The following LEP variants were observed in gnomAD, a reference collection of about 807,000 sequenced individuals.
LEP encodes leptin (murine obesity homolog).
In LEP, 6 loss-of-function variants were observed where a neutral mutation model predicts 9.8. The ratio of observed to expected loss-of-function variants is 0.61; its 90% CI spans 0.34 to 1.21. LEP has a LOEUF of 1.21. Among genes scored for constraint, LEP ranks in the 50% most tolerant of loss-of-function variants. LEP has a pLI of 0.04. For synonymous variants in LEP, 112 were observed against 81.7 expected (o/e 1.37, Z -2.00); for missense variants, 134 against 198.1 (o/e 0.68, Z 1.94).
chr7:128,249,510 A>G lies in LEP; in HGVS notation c.-28-2481A>G, dbSNP rs142623551. Among the ~76,000 whole-genome samples, 19 of 152,300 alleles carry G rather than the reference A, an allele frequency of 1.2e-4. No homozygotes were observed. In the East Asian group the frequency reaches 3.5e-3, roughly 28 times the overall value. On this transcript the variant is annotated intron_variant, in intron 1 of 2. Coordinates refer to ENST00000308868, the MANE Select transcript of LEP (RefSeq NM_000230.3). The stretch of plus-strand genomic sequence containing the variant: ...ACAGGTTCCTGAGAGCTGGCACAGG[A>G]CACTTCTGCTTATATTTCACTGGCC...
At chr7:128,247,672 A>T (rs561502579) in intron 1 of LEP, among the ~76,000 whole-genome samples, 32 of 152,266 alleles carry the variant, frequency 2.1e-4, no homozygotes, top group African/African-American at 7.0e-4. Flanking sequence ...CTCCTCCATG[A>T]TGCCTCCCTG....
Position 128,254,855 on chromosome 7 carries a change from C to T in LEP, c.*92C>T, listed in dbSNP as rs1795318561. ...CCAGGATTGAAGAGCATTGCATGGA[C>T]ACCCCTTATCCAGGACTCTGTCAAT... On this transcript the variant is annotated 3_prime_UTR_variant, in exon 3 of 3. Coordinates refer to ENST00000308868, the MANE Select transcript of LEP (RefSeq NM_000230.3). 1.7e-5 allele frequency: 24 copies of T among 1,376,406 alleles called. No homozygotes were observed. Among genetic ancestry groups the T allele is most frequent in the Non-Finnish European group, 2.1e-5 (21 of 988,844 alleles). The allele number at this position is 1,376,406 out of a possible 1,614,324, so 85.3% of individuals were successfully genotyped here.
At chr7:128,245,878 A>G (rs1013331803) in intron 1 of LEP, among the ~76,000 whole-genome samples, 3 of 151,960 alleles carry the variant, frequency 2.0e-5, no homozygotes, top group African/African-American at 7.3e-5. Flanking sequence ...CCTGGCCAAG[A>G]TGGTGAAGCC....
chr7:128,243,721 G>A (rs1795178204), intron 1 of LEP, among the ~76,000 whole-genome samples: 2 of 152,228 alleles, frequency 1.3e-5, no homozygotes, highest in African/African-American at 2.4e-5. Context: ...ATGGGAGCAA[G>A]CGAACCATTG....
At chr7:128,252,687 TG>T (rs1438391782) in intron 2 of LEP, among the ~76,000 whole-genome samples, 1 of 152,052 alleles carries the variant, frequency 6.6e-6, no homozygotes, top group Admixed American at 6.5e-5. Context: ...GCCCTGATCA[TG>T]CCACCGTGCT....
rs1478285642 is a variant in LEP, at chr7:128,252,177, C to CG, written c.144+19dup. On this transcript the variant is annotated intron_variant, in intron 2 of 2. Transcript: ENST00000308868. ...TTTCACACACGGTAAGGAGAGTATGCGGGGACAAAGTAGAACTGCAGCCAG... is the reference window on the plus strand; with the variant it reads ...TTTCACACACGGTAAGGAGAGTATGCGGGGGACAAAGTAGAACTGCAGCCAG... 2 of 1,613,536 alleles carry CG rather than the reference C, an allele frequency of 1.2e-6. No homozygotes were observed. Among genetic ancestry groups the CG allele is most frequent in the Non-Finnish European group, 1.7e-6 (2 of 1,179,714 alleles).
intron 1 of LEP, among the ~76,000 whole-genome samples, chr7:128,243,564 T>C (rs1795176194): frequency 6.6e-6 from 1 of 151,988 alleles, no homozygotes; most frequent in Admixed American, 6.6e-5. Flanking sequence ...CCCACCTGGG[T>C]GCTAGAGGGC....
At chr7:128,252,957 T>A (rs1372376026) in intron 2 of LEP, among the ~76,000 whole-genome samples, 1 of 152,108 alleles carries the variant, frequency 6.6e-6, no homozygotes, top group Non-Finnish European at 1.5e-5. Context: ...ACGTGCTTAT[T>A]TTCAACCTAC....
At position 128,257,264 on chromosome 7, in the gene LEP, A is replaced by C. The variant is rs922762418; in HGVS notation, c.*2501A>C. Reference sequence around the variant, plus strand: ...AGTATAAATGGTTGTCTGTTTTTGTAACTTAAAAAAAAAAAAAAAAGTTTG... The same window carrying C: ...AGTATAAATGGTTGTCTGTTTTTGTCACTTAAAAAAAAAAAAAAAAGTTTG... On this transcript the variant is annotated 3_prime_UTR_variant, in exon 3 of 3. Coordinates refer to ENST00000308868, the MANE Select transcript of LEP (RefSeq NM_000230.3). 1 of 151,690 alleles carries C rather than the reference A, an allele frequency of 6.6e-6. No homozygotes were observed. Among genetic ancestry groups the C allele is most frequent in the Admixed American group, 6.6e-5 (1 of 15,226 alleles). The allele number at this position is 151,690 out of a possible 1,614,324, so 9.4% of individuals were successfully genotyped here.
chr7:128,254,823 G>A lies in LEP; in HGVS notation c.*60G>A, dbSNP rs1795318359. ...TTAAGGGAAGGAACTCTGGCTTCCA[G>A]GTATCTCCAGGATTGAAGAGCATTG... On this transcript the variant is annotated 3_prime_UTR_variant, in exon 3 of 3. Coordinates refer to ENST00000308868, the MANE Select transcript of LEP (RefSeq NM_000230.3). 1 of 1,575,010 alleles carries A rather than the reference G, an allele frequency of 6.3e-7. No homozygotes were observed. Among genetic ancestry groups the A allele is most frequent in the African/African-American group, 1.3e-5 (1 of 74,432 alleles).
At chr7:128,245,663 T>C (rs185102245) in intron 1 of LEP, among the ~76,000 whole-genome samples, 8 of 152,316 alleles carry the variant, frequency 5.3e-5, no homozygotes, top group South Asian at 2.1e-4. Flanking sequence ...CTGAATTTAA[T>C]TCACAGTAGC....
rs775675640 is a variant in LEP at position 128,254,764 on chromosome 7, G to T, written c.*1G>T. The stretch of plus-strand genomic sequence containing the variant: ...GCTGGACCTCAGCCCTGGGTGCTGA[G>T]GCCTTGAAGGTCACTCTTCCTGCAA... On this transcript the variant is annotated 3_prime_UTR_variant, in exon 3 of 3. Coordinates refer to ENST00000308868, the MANE Select transcript of LEP (RefSeq NM_000230.3). 1 of 1,607,690 alleles carries T rather than the reference G, an allele frequency of 6.2e-7. No homozygotes were observed. The highest frequency in any genetic ancestry group is 1.3e-5 in the African/African-American group (1 of 74,878).
intron 2 of LEP, among the ~76,000 whole-genome samples, chr7:128,253,658 A>T (rs1392308999): frequency 1.3e-5 from 2 of 152,202 alleles, no homozygotes; most frequent in Non-Finnish European, 2.9e-5. Context: ...GGGAGAAGTT[A>T]GGTGTCTGGA....
chr7:128,256,590 T>G lies in LEP; in HGVS notation c.*1827T>G, dbSNP rs1795343215. ...AGTTGACAGCAGGTGGGAAATGGTATGAGCTGAGGGGGGCCGTGCCCAGGG... is the reference window on the plus strand; with the variant it reads ...AGTTGACAGCAGGTGGGAAATGGTAGGAGCTGAGGGGGGCCGTGCCCAGGG... On this transcript the variant is annotated 3_prime_UTR_variant, in exon 3 of 3. Coordinates refer to ENST00000308868, the MANE Select transcript of LEP (RefSeq NM_000230.3). 1 of 152,242 alleles carries G rather than the reference T, an allele frequency of 6.6e-6. No individual in the cohort carries two copies. The highest frequency in any genetic ancestry group is 1.5e-5 in the Non-Finnish European group (1 of 68,048). 9.4% of individuals were successfully genotyped at this position (152,242 alleles called of 1,614,324 possible). A position where few individuals can be genotyped will look rare whatever the true frequency, so the allele number is the denominator to read the frequency against.
At chr7:128,252,269 A>C in intron 2 of LEP, 107 bp downstream of exon 2, 1 of 1,219,600 alleles carries the variant, frequency 8.2e-7, no homozygotes, top group South Asian at 1.2e-5. Flanking sequence ...ACGCCTCCTG[A>C]ATGCCAGGCA....
chr7:128,246,398 G>A (rs1156798309), intron 1 of LEP, among the ~76,000 whole-genome samples: 1 of 152,182 alleles, frequency 6.6e-6, no homozygotes, highest in Admixed American at 6.5e-5. Context: ...GGGGTGGATG[G>A]CACATTATAT....
Position 128,254,568 on chromosome 7 carries a change from C to T in LEP, c.309C>T (p.Asn103=), listed in dbSNP as rs28954113. 1,882 of 1,614,098 alleles carry T rather than the reference C, an allele frequency of 1.2e-3. 19 individuals carry two copies. In the African/African-American group the frequency reaches 0.02, roughly 17 times the overall value. ...NVIQISNDLE[N]LRDLLHVLAF... is the part of the protein sequence containing the mutation. ...TCCAAATATCCAACGACCTGGAGAA[C>T]CTCCGGGATCTTCTTCACGTGCTGG... Residue 103 remains asparagine, a synonymous_variant, in exon 3 of 3, where the codon AAC becomes AAT. Transcript: ENST00000308868.
rs540732424 is a variant in LEP, at chr7:128,252,054, T to C, written c.36T>C (p.Leu12=). 9 of 1,614,208 alleles carry C rather than the reference T, an allele frequency of 5.6e-6. 1 individual carries two copies. The African/African-American group carries it at 1.1e-4, about 19-fold the overall frequency. Residue 12 remains leucine (L), a synonymous_variant, in exon 2 of 3, where the codon CTT becomes CTC. Transcript: ENST00000308868. The part of the protein sequence containing the change: ...HWGTLCGFLW[L]WPYLFYVQAV... ...GAACCCTGTGCGGATTCTTGTGGCTTTGGCCCTATCTTTTCTATGTCCAAG... is the reference window on the plus strand; with the variant it reads ...GAACCCTGTGCGGATTCTTGTGGCTCTGGCCCTATCTTTTCTATGTCCAAG...
chr7:128,242,093 C>A (rs367989355), intron 1 of LEP, among the ~76,000 whole-genome samples: 1 of 152,202 alleles, frequency 6.6e-6, no homozygotes, highest in African/African-American at 2.4e-5. Flanking sequence ...TGGGTGCCAT[C>A]GCCTTTACAC....
Sources: gnomAD v4.1 joint callset for allele counts (sites outside exome capture counted in the v4.1 genomes callset) on GRCh38, gnomAD v4.1.1 for gene constraint, MANE v1.5 for transcripts, NCBI Gene and HGNC (gene_info 2026-07-23, HGNC 2026-07-21) for gene names.